Variants in RCHY1 observed in about 807,000 individuals in gnomAD.
RCHY1 encodes the protein RING finger and CHY zinc finger domain-containing protein 1.
In RCHY1, 21 loss-of-function variants were observed where a neutral mutation model predicts 41.6. The observed-to-expected ratio is 0.51, with a 90% CI of 0.36 to 0.73. The LOEUF is 0.73. Ranked by LOEUF, RCHY1 falls within the 30% of genes least tolerant of loss-of-function variation. The pLI is 0.00. For synonymous variants in RCHY1, 79 were observed against 102.9 expected, an observed-to-expected ratio of 0.77 and a Z score of 1.41; for missense variants, 265 against 325.3, an observed-to-expected ratio of 0.81 and a Z score of 1.43.
intron 3 of RCHY1, among the ~76,000 whole-genome samples, chr4:75,496,112 C>T (rs79460824): frequency 0.083 from 12,547 of 152,062 alleles, 873 homozygotes; most frequent in African/African-American, 0.18. Flanking sequence ...TCTGCAGGGA[C>T]GTTTCCACTA....
intron 8 of RCHY1, among the ~76,000 whole-genome samples, chr4:75,487,675 TTC>T (rs1722271256): frequency 2.1e-5 from 2 of 94,280 alleles, no homozygotes; most frequent in African/African-American, 9.5e-5. Flanking sequence ...TTCATATATA[TTC>T]ATAATATATA....
intron 1 of RCHY1, chr4:75,509,541 T>C: frequency 2.7e-6 from 1 of 370,164 alleles, no homozygotes; most frequent in Non-Finnish European, 4.9e-6. Flanking sequence ...AAAAGAATTA[T>C]GAAGGAAATC....
rs1449229457 is a variant in RCHY1 at position 75,480,508 on chromosome 4, T to C, written c.*2030A>G. 1 of 151,574 alleles carries C rather than the reference T, an allele frequency of 6.6e-6. No individual in the cohort carries two copies. The highest frequency in any genetic ancestry group is 1.5e-5 in the Non-Finnish European group (1 of 67,676). 9.4% of individuals were successfully genotyped at this position (151,574 alleles called of 1,614,324 possible). On this transcript the variant is annotated 3_prime_UTR_variant, in exon 9 of 9. Coordinates refer to ENST00000324439, the MANE Select transcript of RCHY1 (RefSeq NM_015436.4). ...ACCCCCAATGTGTCATTTTAACCTC[T>C]AAACCTCAGCTTTCTTGTCTATGAG...
At position 75,509,190 on chromosome 4, in the gene RCHY1, TCA is replaced by T. The variant is rs778879251; in HGVS notation, c.195_196del (p.Cys65Ter). On this transcript the variant is annotated stop_gained and frameshift_variant, in exon 2 of 9. Coordinates refer to ENST00000324439, the MANE Select transcript of RCHY1 (RefSeq NM_015436.4). LOFTEE classifies it high-confidence loss of function. The stretch of plus-strand genomic sequence containing the variant: ...ATAAAATCTTACATGTTGAATTTTT[TCA>T]CAGTTTATGCACTGCACTTCCTTCA... The T allele has an allele frequency of 1.4e-5, 22 of 1,610,554 alleles. No individual in the cohort carries two copies. The highest frequency in any genetic ancestry group is 5.1e-5 in the Admixed American group (3 of 59,120).
At chr4:75,495,421 T>C (rs146326212) in intron 3 of RCHY1, among the ~76,000 whole-genome samples, 1 of 152,062 alleles carries the variant, frequency 6.6e-6, no homozygotes, top group African/African-American at 2.4e-5. Flanking sequence ...TCTACAATGA[T>C]AGGGTATTTA....
rs553674525 is a variant in RCHY1, at chr4:75,513,790, T to C, written c.90+407A>G. 7.2e-5 allele frequency among the ~76,000 whole-genome samples: 11 copies of C among 152,336 alleles called. No homozygotes were observed. The South Asian group carries it at 1.9e-3, about 26-fold the overall frequency. On this transcript the variant is annotated intron_variant, in intron 1 of 8. Coordinates refer to ENST00000324439, the MANE Select transcript of RCHY1 (RefSeq NM_015436.4). ...ATGAAGCTGGCAGGCTATAAAACTT[T>C]ACCACAGGAGCTGAAATCGTATTCG...
chr4:75,511,837 G>A (rs1724912382), intron 1 of RCHY1, among the ~76,000 whole-genome samples: 1 of 150,972 alleles, frequency 6.6e-6, no homozygotes, highest in Non-Finnish European at 1.5e-5. Context: ...AAATATCTTA[G>A]TGTTCATAGA....
At chr4:75,487,569 TATATATTCATATATATATTCATA>T (rs1722191454) in intron 8 of RCHY1, among the ~76,000 whole-genome samples, 1 of 90,376 alleles carries the variant, frequency 1.1e-5, no homozygotes, top group Non-Finnish European at 1.9e-5. Context: ...ATTCATAATA[TATATATTCATATATATATTCATA>T]ATATATATTC....
At chr4:75,514,609 G>A (rs974954506), upstream of RCHY1, 12 of 254,106 alleles carry the variant, frequency 4.7e-5, no homozygotes, top group Admixed American at 2.0e-4. Flanking sequence ...CGGCAGCGGC[G>A]CGGAGACGCT....
rs1725167713 is a variant in RCHY1, at chr4:75,513,455, G to A, written c.90+742C>T. Among the ~76,000 whole-genome samples, 8 of 152,270 alleles carry A rather than the reference G, an allele frequency of 5.3e-5. No individual in the cohort carries two copies. In the South Asian group the frequency reaches 1.4e-3, roughly 28 times the overall value. ...ATCTCCATTTTACATACGGGGTAGAGAGGAGCTAGCTAAAATCAGTTATTA... is the reference window on the plus strand; with the variant it reads ...ATCTCCATTTTACATACGGGGTAGAAAGGAGCTAGCTAAAATCAGTTATTA... On this transcript the variant is annotated intron_variant, in intron 1 of 8. Transcript: ENST00000324439.
chr4:75,485,205 T>A (rs1293508942), intron 8 of RCHY1, among the ~76,000 whole-genome samples: 1 of 152,240 alleles, frequency 6.6e-6, no homozygotes, highest in East Asian at 1.9e-4. Flanking sequence ...GATACTTCTG[T>A]TTAATTTCTG....
At chr4:75,494,403 G>A (rs541190548) in intron 3 of RCHY1, 157 of 417,344 alleles carry the variant, frequency 3.8e-4, no homozygotes, top group Admixed American at 9.8e-4. Context: ...CTATAAAATT[G>A]CAAAAAGAGA....
intron 4 of RCHY1, among the ~76,000 whole-genome samples, chr4:75,492,850 T>C (rs1473311944): frequency 2.0e-5 from 3 of 151,994 alleles, no homozygotes; most frequent in African/African-American, 7.2e-5. Flanking sequence ...CCTTGAGATT[T>C]TGGACTAGCC....
chr4:75,497,223 TA>T (rs1723292828), intron 3 of RCHY1, among the ~76,000 whole-genome samples: 1 of 152,272 alleles, frequency 6.6e-6, no homozygotes, highest in Admixed American at 6.5e-5. Context: ...CAACCTAACA[TA>T]CATGTGTTCA....
At chr4:75,488,839 G>A (rs561471493) in intron 8 of RCHY1, among the ~76,000 whole-genome samples, 1 of 152,276 alleles carries the variant, frequency 6.6e-6, no homozygotes, top group South Asian at 2.1e-4. Context: ...CACTTTGGGA[G>A]ACCGAGGCGG....
In RCHY1 at chr4:75,491,883, G is replaced by A. The variant is rs752053465; in HGVS notation, c.450+6C>T. On this transcript the variant is annotated splice_donor_region_variant and intron_variant, in intron 5 of 8. Coordinates refer to ENST00000324439, the MANE Select transcript of RCHY1 (RefSeq NM_015436.4). ...ACTTCCAAAGTAAAAAATATTTTAA[G>A]CCTACCTCCAAACATATTGGACAAT... The A allele has an allele frequency of 1.9e-6, 3 of 1,608,956 alleles. No homozygotes were observed. Among genetic ancestry groups the A allele is most frequent in the Non-Finnish European group, 2.5e-6 (3 of 1,177,802 alleles).
At chr4:75,494,232 G>T (rs1161038390) in intron 3 of RCHY1, 53 bp from the exon 4 acceptor site, 1 of 1,247,592 alleles carries the variant, frequency 8.0e-7, no homozygotes, top group South Asian at 1.3e-5. Context: ...CTACAGTCAT[G>T]ATTTGTTCAT....
chr4:75,509,212 C>T lies in RCHY1; in HGVS notation c.175G>A (p.Glu59Lys), dbSNP rs1245451487. 6.2e-7 allele frequency: 1 copy of T among 1,613,068 alleles called. No individual in the cohort carries two copies. Among genetic ancestry groups the T allele is most frequent in the Non-Finnish European group, 8.5e-7 (1 of 1,179,434 alleles). The change falls in exon 2 of 9, where the codon GAA becomes AAA. Residue 59 changes from glutamate to lysine, a missense_variant. By Grantham distance (56) the Glu-to-Lys change is moderately conservative. Transcript: ENST00000324439. ...DHQLDRFKVK[E>K]VQCINCEKIQ... is the part of the protein sequence containing the mutation. ...TTTTCACAGTTTATGCACTGCACTTCCTTCACTTTAAAGCGATCTAGTTGA... is the reference window on the plus strand; with the variant it reads ...TTTTCACAGTTTATGCACTGCACTTTCTTCACTTTAAAGCGATCTAGTTGA...
intron 3 of RCHY1, among the ~76,000 whole-genome samples, chr4:75,497,234 A>T (rs1362633926): frequency 6.6e-6 from 1 of 152,190 alleles, no homozygotes; most frequent in Non-Finnish European, 1.5e-5. Flanking sequence ...ACATGTGTTC[A>T]GTTGAGCCTA....
Sources: allele counts gnomAD v4.1 joint callset (sites outside exome capture counted in the v4.1 genomes callset), GRCh38; gene constraint gnomAD v4.1.1; transcripts MANE v1.5; gene names NCBI Gene and HGNC (gene_info 2026-07-23, HGNC 2026-07-21).